The following HORMAD2 variants were observed in gnomAD, a reference collection of about 807,000 sequenced individuals.
HORMAD2 encodes HORMA domain-containing protein 2.
A neutral mutation model predicts 38.8 loss-of-function variants in HORMAD2; 45 were observed. The ratio of observed to expected loss-of-function variants is 1.16; its 90% CI spans 0.91 to 1.49. The LOEUF (loss-of-function observed/expected upper bound fraction) is 1.49. Among genes scored for constraint, HORMAD2 ranks in the 40% most tolerant of loss-of-function variants. HORMAD2 has a pLI of 0.00. For missense variants in HORMAD2, 338 were observed against 367.0 expected, an observed-to-expected ratio of 0.92 and a Z score of 0.65; for synonymous variants, 126 against 122.8, an observed-to-expected ratio of 1.03 and a Z score of -0.17.
the HORMAD2 span, among the ~76,000 whole-genome samples, chr22:30,185,293 G>A: frequency 6.6e-6 from 1 of 152,178 alleles, no homozygotes; most frequent in Non-Finnish European, 1.5e-5. Flanking sequence ...GGTTACTGTC[G>A]AGCAAAAGCG....
At chr22:30,151,560 T>C (rs1412687239) in intron 10 of HORMAD2, among the ~76,000 whole-genome samples, 1 of 152,168 alleles carries the variant, frequency 6.6e-6, no homozygotes, top group Non-Finnish European at 1.5e-5. Flanking sequence ...ATTTGAAGAA[T>C]TTAAGTATAA....
At chr22:30,114,676 G>A (rs1921912178) in intron 7 of HORMAD2, among the ~76,000 whole-genome samples, 1 of 152,162 alleles carries the variant, frequency 6.6e-6, no homozygotes, top group South Asian at 2.1e-4. Flanking sequence ...TAGACAGTTG[G>A]ATTAAAATTT....
chr22:30,091,812 A>G (rs1206879200), intron 1 of HORMAD2, among the ~76,000 whole-genome samples: 1 of 152,136 alleles, frequency 6.6e-6, no homozygotes, highest in Non-Finnish European at 1.5e-5. Flanking sequence ...CCAACAGTGT[A>G]TAAGAATTTT....
At chr22:30,128,855 A>G (rs1274078106) in intron 10 of HORMAD2, among the ~76,000 whole-genome samples, 1 of 152,210 alleles carries the variant, frequency 6.6e-6, no homozygotes, top group East Asian at 1.9e-4. Flanking sequence ...AGGTTGAACT[A>G]GATTGACCTC....
intron 7 of HORMAD2, among the ~76,000 whole-genome samples, chr22:30,115,506 C>T (rs984878341): frequency 1.6e-4 from 24 of 152,026 alleles, no homozygotes; most frequent in South Asian, 4.1e-4. Context: ...AGAAAAAAAT[C>T]GTTGTAGGAT....
intron 1 of HORMAD2, among the ~76,000 whole-genome samples, chr22:30,092,623 G>T (rs1001460139): frequency 1.3e-5 from 2 of 151,904 alleles, no homozygotes; most frequent in Non-Finnish European, 1.5e-5. Context: ...TTATAATTTT[G>T]AGCCTTACAT....
At chr22:30,081,846 G>C (rs1820842388) in intron 1 of HORMAD2, among the ~76,000 whole-genome samples, 1 of 152,010 alleles carries the variant, frequency 6.6e-6, no homozygotes, top group South Asian at 2.1e-4. Flanking sequence ...CGGCCTCCCA[G>C]AGTGCTGGGA....
intron 10 of HORMAD2, among the ~76,000 whole-genome samples, chr22:30,173,189 G>C (rs950935682): frequency 1.6e-4 from 25 of 152,196 alleles, no homozygotes; most frequent in Non-Finnish European, 2.5e-4. Context: ...GCAGAAATAG[G>C]CCAAGGCCAT....
the HORMAD2 span, among the ~76,000 whole-genome samples, chr22:30,197,071 C>T: frequency 1.3e-5 from 2 of 152,096 alleles, no homozygotes; most frequent in Non-Finnish European, 2.9e-5. Flanking sequence ...CTCCCAGTTT[C>T]TTTATTAGGG....
chr22:30,156,994 G>C (rs1034084610), intron 10 of HORMAD2, among the ~76,000 whole-genome samples: 10 of 152,108 alleles, frequency 6.6e-5, no homozygotes, highest in Non-Finnish European at 1.5e-4. Context: ...ATTAAGATAT[G>C]TTATTATTGG....
At chr22:30,205,070 G>C in the HORMAD2 span, among the ~76,000 whole-genome samples, 2 of 152,150 alleles carry the variant, frequency 1.3e-5, no homozygotes, top group African/African-American at 4.8e-5. Context: ...TCTGTGAGGC[G>C]GGCAGTTGAG....
intron 1 of HORMAD2, among the ~76,000 whole-genome samples, chr22:30,089,698 T>C (rs1485139577): frequency 1.3e-5 from 2 of 152,192 alleles, no homozygotes; most frequent in African/African-American, 2.4e-5. Context: ...ACTAGATGTA[T>C]TTTAAATATT....
At chr22:30,099,390 A>G (rs1920929047) in intron 3 of HORMAD2, among the ~76,000 whole-genome samples, 1 of 152,254 alleles carries the variant, frequency 6.6e-6, no homozygotes, top group Admixed American at 6.5e-5. Flanking sequence ...GTTAACGTAT[A>G]TAAAAATACT....
At position 30,118,718 on chromosome 22, in the gene HORMAD2, T is replaced by C. The variant is rs147640271; in HGVS notation, c.343-262T>C. Among the ~76,000 whole-genome samples, 20 of 152,330 alleles carry C rather than the reference T, an allele frequency of 1.3e-4. No individual in the cohort carries two copies. The East Asian group carries it at 3.9e-3, about 29-fold the overall frequency. ...TGTTTACCTAGTTTGGTTAGATATT[T>C]GACTCTGTGATTTTGTTTTTCCAGC... On this transcript the variant is annotated intron_variant, in intron 7 of 10. Coordinates refer to ENST00000336726, the MANE Select transcript of HORMAD2 (RefSeq NM_152510.4).
chr22:30,097,835 G>A (rs1452471975), intron 2 of HORMAD2, among the ~76,000 whole-genome samples: 2 of 152,282 alleles, frequency 1.3e-5, no homozygotes, highest in South Asian at 2.1e-4. Flanking sequence ...TGAAAGAATC[G>A]TTAGCAAAGA....
At chr22:30,162,174 G>A (rs1394389432) in intron 10 of HORMAD2, among the ~76,000 whole-genome samples, 2 of 152,212 alleles carry the variant, frequency 1.3e-5, no homozygotes, top group East Asian at 1.9e-4. Context: ...TTAGCTGGGC[G>A]TGGTGATGTG....
intron 5 of HORMAD2, chr22:30,105,466 CT>C: frequency 6.5e-6 from 1 of 152,806 alleles, no homozygotes; most frequent in Non-Finnish European, 1.5e-5. Context: ...TCCGCCACTG[CT>C]TTTCCCCACT....
At chr22:30,207,090 C>T in the HORMAD2 span, 3 of 470,526 alleles carry the variant, frequency 6.4e-6, no homozygotes, top group South Asian at 3.1e-5. Flanking sequence ...CCCAGCTCAG[C>T]GGCTGTGGTA....
rs1255464158 is a variant in HORMAD2, at chr22:30,103,448, A to G, written c.205A>G (p.Lys69Glu). ...TTCTGTTTTTGTAGACCTCAGTTTA[A>G]AAATCCTCCGAGAAGATAAAAAATG... ...GERHLDDLSLKILREDKKCPG... is the reference protein window; with the variant it reads ...GERHLDDLSLEILREDKKCPG... Residue 69 changes from lysine to glutamate, a missense_variant, in exon 4 of 11, where the codon AAA becomes GAA. Physicochemically the swap from Lys to Glu is moderately conservative, Grantham distance 56 (BLOSUM62 1). Coordinates refer to ENST00000336726, the MANE Select transcript of HORMAD2 (RefSeq NM_152510.4). 3 of 1,535,842 alleles carry G rather than the reference A, an allele frequency of 2.0e-6. No homozygotes were observed. Among genetic ancestry groups the G allele is most frequent in the Non-Finnish European group, 2.7e-6 (3 of 1,131,026 alleles).
Sources: allele counts gnomAD v4.1 joint callset (sites outside exome capture counted in the v4.1 genomes callset), GRCh38; gene constraint gnomAD v4.1.1; transcripts MANE v1.5; gene names NCBI Gene and HGNC (gene_info 2026-07-23, HGNC 2026-07-21).